Variants in ANKRD62 observed in about 807,000 individuals in gnomAD.
ANKRD62 encodes ankyrin repeat domain 62.
A neutral mutation model predicts 98.8 loss-of-function variants in ANKRD62; 61 were observed. That is an observed-to-expected ratio of 0.62 (90% CI 0.50 to 0.76). ANKRD62 has a LOEUF of 0.76. ANKRD62 is among the 30% of genes least tolerant of loss of function. The pLI is 0.00. For missense variants in ANKRD62, 933 were observed against 1,082.9 expected, an observed-to-expected ratio of 0.86 and a Z score of 1.94; for synonymous variants, 341 against 367.9, an observed-to-expected ratio of 0.93 and a Z score of 0.84.
intron 8 of ANKRD62, among the ~76,000 whole-genome samples, chr18:12,111,168 G>A (rs1002616827): frequency 6.6e-6 from 1 of 151,298 alleles, no homozygotes; most frequent in Non-Finnish European, 1.5e-5. Context: ...AGAATTGCCT[G>A]AACCCGGGAG....
At chr18:12,155,105 C>A in the ANKRD62 span, among the ~76,000 whole-genome samples, 1 of 152,154 alleles carries the variant, frequency 6.6e-6, no homozygotes, top group East Asian at 1.9e-4. Flanking sequence ...CACATGTACC[C>A]TGGAACCTAA....
intron 10 of ANKRD62, among the ~76,000 whole-genome samples, chr18:12,119,952 G>A (rs894542429): frequency 6.6e-6 from 1 of 151,770 alleles, no homozygotes; most frequent in Admixed American, 6.6e-5. Flanking sequence ...TTGAACCAGG[G>A]TTATTTAGAT....
chr18:12,172,015 T>G, the ANKRD62 span, among the ~76,000 whole-genome samples: 1 of 152,202 alleles, frequency 6.6e-6, no homozygotes, highest in Non-Finnish European at 1.5e-5. Context: ...CTGTGATGTT[T>G]ATTCTAGTTA....
Position 12,094,191 on chromosome 18 carries a change from C to G in ANKRD62, c.174C>G (p.Ile58Met). ...AGDVNKVMES[I>M]LLRLNDLNDR... ...ATGTGAACAAGGTGATGGAGAGCAT[C>G]TTGCTCAGGCTGAATGACTTGAACG... Residue 58 changes from isoleucine (I) to methionine (M), a missense_variant, in exon 1 of 14, where the codon ATC becomes ATG. By Grantham distance (10) the Ile-to-Met change is conservative. Transcript: ENST00000587848. The G allele has an allele frequency of 1.3e-6, 2 of 1,531,298 alleles. No individual in the cohort carries two copies. The highest frequency in any genetic ancestry group is 2.0e-5 in the Admixed American group (1 of 50,388). The allele number at this position is 1,531,298 out of a possible 1,614,324, so 94.9% of individuals were successfully genotyped here. A position where few individuals can be genotyped will look rare whatever the true frequency, so the allele number is the denominator to read the frequency against.
chr18:12,129,117 C>G lies in ANKRD62; in HGVS notation c.*1178C>G, dbSNP rs536416686. On this transcript the variant is annotated 3_prime_UTR_variant, in exon 14 of 14. Coordinates refer to ENST00000587848, the MANE Select transcript of ANKRD62 (RefSeq NM_001277333.2). Reference sequence around the variant, plus strand: ...TGCTACAGCAAAAATTAAATGCAAACAGACAAAAAAGAAATGAAATTATAG... The same window carrying G: ...TGCTACAGCAAAAATTAAATGCAAAGAGACAAAAAAGAAATGAAATTATAG... 6.6e-6 allele frequency: 1 copy of G among 151,534 alleles called. No homozygotes were observed. The highest frequency in any genetic ancestry group is 2.4e-5 in the African/African-American group (1 of 41,318). The allele number at this position is 151,534 out of a possible 1,614,324, so 9.4% of individuals were successfully genotyped here.
chr18:12,106,096 C>T (rs1224030906), intron 7 of ANKRD62, among the ~76,000 whole-genome samples: 1 of 152,146 alleles, frequency 6.6e-6, no homozygotes, highest in Non-Finnish European at 1.5e-5. Context: ...CCATTTAACT[C>T]AATATGTTAA....
intron 10 of ANKRD62, among the ~76,000 whole-genome samples, chr18:12,115,953 A>G (rs552203428): frequency 6.4e-4 from 97 of 152,234 alleles, no homozygotes; most frequent in African/African-American, 2.3e-3. Context: ...CTTGCTTAAC[A>G]CCCAACTGCC....
At chr18:12,107,199 AGACT>A in intron 7 of ANKRD62, 92 bp from the exon 8 acceptor site, 1 of 643,358 alleles carries the variant, frequency 1.6e-6, no homozygotes, top group Non-Finnish European at 2.3e-6. Flanking sequence ...CTAATATGAC[AGACT>A]GAGTCAAGTG....
chr18:12,161,215 A>G, the ANKRD62 span, among the ~76,000 whole-genome samples: 3 of 152,226 alleles, frequency 2.0e-5, no homozygotes, highest in South Asian at 2.1e-4. Context: ...TATTTATACA[A>G]TTTTACACAC....
Position 12,115,554 on chromosome 18 carries a change from A to G in ANKRD62, c.1240+20A>G, listed in dbSNP as rs1409194868. 6.5e-7 allele frequency: 1 copy of G among 1,527,354 alleles called. No homozygotes were observed. The highest frequency in any genetic ancestry group is 8.8e-7 in the Non-Finnish European group (1 of 1,140,692). The allele number at this position is 1,527,354 out of a possible 1,614,324, so 94.6% of individuals were successfully genotyped here. ...GTAAAGGTAGGACCAATGCATAAAT[A>G]TAAGGCTCTTTCCCTATCCTATAGT... On this transcript the variant is annotated intron_variant, in intron 10 of 13. Transcript: ENST00000587848.
chr18:12,176,030 A>G, the ANKRD62 span, among the ~76,000 whole-genome samples: 1,608 of 151,630 alleles, frequency 0.011, 15 homozygotes, highest in South Asian at 0.035. Flanking sequence ...TGTCTCTACT[A>G]AAAATAGAAA....
At chr18:12,126,439 A>G (rs1909895702) in intron 13 of ANKRD62, 56 bp downstream of exon 13, 5 of 1,318,850 alleles carry the variant, frequency 3.8e-6, no homozygotes, top group Non-Finnish European at 4.1e-6. Flanking sequence ...AATTTAAAGT[A>G]TATTTGGTTA....
intron 7 of ANKRD62, among the ~76,000 whole-genome samples, chr18:12,105,464 A>C (rs1909392238): frequency 6.6e-6 from 1 of 152,218 alleles, no homozygotes; most frequent in Admixed American, 6.5e-5. Flanking sequence ...GAGTGCCTGC[A>C]GCTTTTCCAG....
chr18:12,115,241 C>G, intron 9 of ANKRD62, 120 bp downstream of exon 9: 10 of 1,271,366 alleles, frequency 7.9e-6, no homozygotes, highest in Non-Finnish European at 9.4e-6. Context: ...GGTAACCATT[C>G]ATAAAAGCAC....
At chr18:12,118,733 G>A (rs1909721954) in intron 10 of ANKRD62, among the ~76,000 whole-genome samples, 1 of 152,098 alleles carries the variant, frequency 6.6e-6, no homozygotes, top group Non-Finnish European at 1.5e-5. Flanking sequence ...TTTTAGCATG[G>A]AGTAATATTC....
chr18:12,115,304 A>G (rs1445507128), intron 9 of ANKRD62, 89 bp from the exon 10 acceptor site: 3 of 1,347,538 alleles, frequency 2.2e-6, no homozygotes, highest in Non-Finnish European at 2.9e-6. Flanking sequence ...TTGCTCATGT[A>G]AAAAGACGGA....
At chr18:12,153,607 A>AAAGG in the ANKRD62 span, among the ~76,000 whole-genome samples, 1 of 141,042 alleles carries the variant, frequency 7.1e-6, no homozygotes, top group Non-Finnish European at 1.5e-5. Flanking sequence ...AAAAAAAAAA[A>AAAGG]AAAGAAAGAA....
At chr18:12,118,054 G>T (rs1007594879) in intron 10 of ANKRD62, among the ~76,000 whole-genome samples, 1 of 152,134 alleles carries the variant, frequency 6.6e-6, no homozygotes, top group African/African-American at 2.4e-5. Flanking sequence ...TAATGGATGA[G>T]CCTACATTGG....
At chr18:12,158,866 ATT>A in the ANKRD62 span, among the ~76,000 whole-genome samples, 1 of 152,096 alleles carries the variant, frequency 6.6e-6, no homozygotes, top group African/African-American at 2.4e-5. Flanking sequence ...ATTTAAAAAT[ATT>A]TCAGCTGGGC....
Sources: gnomAD v4.1 joint callset for allele counts (sites outside exome capture counted in the v4.1 genomes callset) on GRCh38, gnomAD v4.1.1 for gene constraint, MANE v1.5 for transcripts, NCBI Gene and HGNC (gene_info 2026-07-23, HGNC 2026-07-21) for gene names.